Variants in GSG1L observed in about 807,000 individuals in gnomAD.
The protein encoded by GSG1L is germ cell-specific gene 1-like protein.
A neutral mutation model predicts 42.1 loss-of-function variants in GSG1L; 24 were observed. That is an observed-to-expected ratio of 0.57 (90% CI 0.41 to 0.80). The LOEUF (loss-of-function observed/expected upper bound fraction) is 0.80, where lower values mean the gene tolerates loss of function less well. GSG1L is among the 30% of genes least tolerant of loss of function. The pLI is 0.00. For synonymous variants in GSG1L, 215 were observed against 203.5 expected (o/e 1.06, Z -0.48); for missense variants, 445 against 472.2 (o/e 0.94, Z 0.53).
chr16:27,982,960 A>G (rs2085340730), intron 1 of GSG1L, among the ~76,000 whole-genome samples: 1 of 152,178 alleles, frequency 6.6e-6, no homozygotes, highest in Non-Finnish European at 1.5e-5. Flanking sequence ...ACCAAACCAT[A>G]TCATCCCAAA....
chr16:27,923,965 C>G (rs1033672167), intron 2 of GSG1L, among the ~76,000 whole-genome samples: 1 of 152,028 alleles, frequency 6.6e-6, no homozygotes, highest in Non-Finnish European at 1.5e-5. Context: ...GGGGAAGTTA[C>G]CTAACCTCTC....
intron 1 of GSG1L, among the ~76,000 whole-genome samples, chr16:27,978,905 T>G (rs564929330): frequency 1.4e-4 from 21 of 152,118 alleles, no homozygotes; most frequent in Non-Finnish European, 3.1e-4. Flanking sequence ...TCAGTTAGGA[T>G]TTAATTCAGA....
chr16:27,890,640 C>T (rs2084114737), intron 2 of GSG1L, among the ~76,000 whole-genome samples: 1 of 152,158 alleles, frequency 6.6e-6, no homozygotes, highest in African/African-American at 2.4e-5. Flanking sequence ...AGCTTGGACA[C>T]GTGAGCAGAT....
chr16:27,973,832 T>C (rs888025346), intron 1 of GSG1L, among the ~76,000 whole-genome samples: 1 of 152,170 alleles, frequency 6.6e-6, no homozygotes, highest in African/African-American at 2.4e-5. Context: ...GGGGTACAGC[T>C]GGGACAACTC....
chr16:27,916,895 G>A (rs1241163286), intron 2 of GSG1L, among the ~76,000 whole-genome samples: 1 of 150,106 alleles, frequency 6.7e-6, no homozygotes, highest in African/African-American at 2.5e-5. Context: ...AAAAAAAAAT[G>A]TCTAGAGTGG....
chr16:27,844,917 C>T, intron 4 of GSG1L, 33 bp downstream of exon 4: 1 of 1,358,578 alleles, frequency 7.4e-7, no homozygotes, highest in Non-Finnish European at 1.0e-6. Context: ...GCCCTGGTGC[C>T]TGAAGCTGCT....
intron 2 of GSG1L, among the ~76,000 whole-genome samples, chr16:27,886,220 A>T (rs1434774985): frequency 5.9e-5 from 9 of 152,180 alleles, no homozygotes; most frequent in Admixed American, 5.9e-4. Flanking sequence ...CAGATGGATC[A>T]CTTGAGGTCA....
intron 2 of GSG1L, among the ~76,000 whole-genome samples, chr16:27,932,852 C>T (rs189396294): frequency 8.5e-5 from 13 of 152,108 alleles, no homozygotes; most frequent in African/African-American, 3.1e-4. Context: ...TAAGAATATC[C>T]CCTGGTGCTG....
intron 2 of GSG1L, among the ~76,000 whole-genome samples, chr16:27,892,476 C>T (rs1036971545): frequency 2.0e-5 from 3 of 151,790 alleles, no homozygotes; most frequent in African/African-American, 7.3e-5. Flanking sequence ...AAAAATGAGT[C>T]ACCTTGGCCG....
At chr16:27,865,568 TATATAC>T (rs1436846528) in intron 3 of GSG1L, among the ~76,000 whole-genome samples, 4,276 of 20,526 alleles carry the variant, frequency 0.21, 496 homozygotes, top group Middle Eastern at 0.31. Context: ...TATATATATA[TATATAC>T]ACACACACAT....
At position 27,821,185 on chromosome 16, in the gene GSG1L, A is replaced by G. The variant is rs150015934; in HGVS notation, c.830+7604T>C. Reference sequence around the variant, plus strand: ...CTGTGGTGTGAGCAGGGGGCTGTGAACTCAAGTGTTTCAGCCTGTTGTTGC... The same window carrying G: ...CTGTGGTGTGAGCAGGGGGCTGTGAGCTCAAGTGTTTCAGCCTGTTGTTGC... On this transcript the variant is annotated intron_variant, in intron 5 of 6. Transcript: ENST00000447459. 6.8e-4 allele frequency among the ~76,000 whole-genome samples: 103 copies of G among 152,170 alleles called. 2 individuals carry two copies. Among genetic ancestry groups the G allele is most frequent in the Non-Finnish European group, 7.4e-4 (50 of 68,010 alleles).
Position 27,807,537 on chromosome 16 carries a change from C to T in GSG1L, c.848G>A (p.Gly283Glu), listed in dbSNP as rs1386121179. ...GTCTAAGTGAAAGTCCTCCTCGCTC[C>T]CGTCCCTCTTCTCCATCCTGGAAAG... ...YFRERMEKRD[G>E]SEEDFHLDCR... Residue 283 changes from glycine (G) to glutamate (E), a missense_variant, in exon 6 of 7, where the codon GGG (glycine) becomes GAG (glutamate). Gly to Glu is a moderately conservative substitution (Grantham distance 98). Transcript: ENST00000447459. The T allele has an allele frequency of 6.2e-7, 1 of 1,612,566 alleles. No homozygotes were observed. Among genetic ancestry groups the T allele is most frequent in the Non-Finnish European group, 8.5e-7 (1 of 1,179,900 alleles).
chr16:27,991,337 GT>G (rs34752184), intron 1 of GSG1L, among the ~76,000 whole-genome samples: 113,703 of 151,146 alleles, frequency 0.75, 42,825 homozygotes, highest in South Asian at 0.88. Context: ...TTTTGTTTTT[GT>G]TTTTTTTTCA....
chr16:28,060,710 A>C (rs986591425), intron 1 of GSG1L, among the ~76,000 whole-genome samples: 1 of 152,112 alleles, frequency 6.6e-6, no homozygotes. Flanking sequence ...TGTGAGCCTA[A>C]GTTCCTCATC....
chr16:28,046,860 T>A (rs1390662611), intron 1 of GSG1L, among the ~76,000 whole-genome samples: 1 of 152,210 alleles, frequency 6.6e-6, no homozygotes. Flanking sequence ...GTGGCCGACT[T>A]CCTCTCAGTC....
intron 3 of GSG1L, among the ~76,000 whole-genome samples, chr16:27,878,761 A>G (rs779174043): frequency 8.5e-5 from 13 of 152,078 alleles, no homozygotes; most frequent in Non-Finnish European, 1.5e-4. Flanking sequence ...TTATCCAAAC[A>G]CTTTAGGTAA....
At chr16:27,979,966 A>G (rs1403067378) in intron 1 of GSG1L, among the ~76,000 whole-genome samples, 1 of 152,152 alleles carries the variant, frequency 6.6e-6, no homozygotes. Flanking sequence ...GGCTCCATAA[A>G]TAAGAGCTTT....
chr16:28,033,123 A>G (rs927235915), intron 1 of GSG1L, among the ~76,000 whole-genome samples: 1 of 152,126 alleles, frequency 6.6e-6, no homozygotes, highest in Non-Finnish European at 1.5e-5. Flanking sequence ...ATCAGCCTCC[A>G]TGGAGTACTT....
At chr16:27,947,577 GAAAGAA>G (rs759735012) in intron 2 of GSG1L, among the ~76,000 whole-genome samples, 4 of 118,476 alleles carry the variant, frequency 3.4e-5, no homozygotes, top group African/African-American at 9.8e-5. Context: ...AAGAAAGAAA[GAAAGAA>G]AGAAAGAAAG....
Sources: gnomAD v4.1 joint callset for allele counts (sites outside exome capture counted in the v4.1 genomes callset) on GRCh38, gnomAD v4.1.1 for gene constraint, MANE v1.5 for transcripts, NCBI Gene and HGNC (gene_info 2026-07-23, HGNC 2026-07-21) for gene names.